Variants in LRRFIP1 observed in about 807,000 individuals in gnomAD.
LRRFIP1 encodes the protein LRR binding FLII interacting protein 1, also known as leucine-rich repeat flightless-interacting protein 1.
A neutral mutation model predicts 104.4 loss-of-function variants in LRRFIP1; 62 were observed. The observed-to-expected ratio is 0.59, with a 90% CI of 0.48 to 0.73. The LOEUF (loss-of-function observed/expected upper bound fraction) is 0.73. Ranked by LOEUF, LRRFIP1 falls within the 30% of genes least tolerant of loss-of-function variation. The pLI, the probability that LRRFIP1 is intolerant of heterozygous loss-of-function variation, is 0.00. For missense variants in LRRFIP1, 796 were observed against 824.5 expected, an observed-to-expected ratio of 0.97 and a Z score of 0.42; for synonymous variants, 300 against 299.0, an observed-to-expected ratio of 1.00 and a Z score of -0.03.
At chr2:237,659,079 G>GTTA (rs34319083) in intron 1 of LRRFIP1, among the ~76,000 whole-genome samples, 21 of 151,030 alleles carry the variant, frequency 1.4e-4, no homozygotes, top group Non-Finnish European at 2.1e-4. Context: ...GAAAAGATAA[G>GTTA]TTATTATTAT....
rs753362054 is a variant in LRRFIP1, at chr2:237,661,081, G to A, written c.96+33341G>A. ...AACATGCCATCTCTGCTCTCCCACC[G>A]CTTCCTGGGTTGGGCTGCGGGGAGA... On this transcript the variant is annotated intron_variant, in intron 1 of 23. Transcript: ENST00000308482. This position sits in a 1 kb window ranked among gnomAD's most constrained non-coding sequence, Gnocchi z 4.4. Among the ~76,000 whole-genome samples the A allele has an allele frequency of 4.6e-5, 7 of 152,092 alleles. No individual in the cohort carries two copies. The highest frequency in any genetic ancestry group is 7.2e-5 in the African/African-American group (3 of 41,408).
Position 237,658,673 on chromosome 2 carries a change from G to A in LRRFIP1, c.96+30933G>A, listed in dbSNP as rs553046500. ...AACCAAGGCACCTTCTTCACAAGGC[G>A]GCAGGAAGGAGGAGTGCCGAGTGAA... On this transcript the variant is annotated intron_variant, in intron 1 of 23. Transcript: ENST00000308482. 5.3e-5 allele frequency among the ~76,000 whole-genome samples: 8 copies of A among 152,272 alleles called. No individual in the cohort carries two copies. In the East Asian group the frequency reaches 1.2e-3, roughly 22 times the overall value.
At chr2:237,726,572 T>C (rs1201024078) in intron 7 of LRRFIP1, among the ~76,000 whole-genome samples, 1 of 152,258 alleles carries the variant, frequency 6.6e-6, no homozygotes, top group Non-Finnish European at 1.5e-5. Flanking sequence ...TTGTAATGTA[T>C]TTATTATTAT....
At chr2:237,701,204 G>C (rs1036362871) in intron 1 of LRRFIP1, among the ~76,000 whole-genome samples, 5 of 152,196 alleles carry the variant, frequency 3.3e-5, no homozygotes, top group African/African-American at 1.2e-4. Context: ...CAGGGCCCCT[G>C]CCCCACCAGT....
In LRRFIP1 at chr2:237,741,482, T is replaced by C. The variant is rs372769329; in HGVS notation, c.633+2173T>C. Among the ~76,000 whole-genome samples, 4 of 152,350 alleles carry C rather than the reference T, an allele frequency of 2.6e-5. No individual in the cohort carries two copies. The East Asian group carries it at 7.7e-4, about 29-fold the overall frequency. On this transcript the variant is annotated intron_variant, in intron 11 of 23. Transcript: ENST00000308482. Reference sequence around the variant, plus strand: ...TACCAGGAAGAAACATTTTCCGTAATAAATTTAGTGTAGGATTGCTTTGTC... The same window carrying C: ...TACCAGGAAGAAACATTTTCCGTAACAAATTTAGTGTAGGATTGCTTTGTC...
At chr2:237,749,048 A>T in intron 12 of LRRFIP1, 151 bp from the exon 13 acceptor site, 2 of 698,488 alleles carry the variant, frequency 2.9e-6, no homozygotes, top group Non-Finnish European at 4.6e-6. Flanking sequence ...TCACGAGAAC[A>T]GCATGGGGGA....
chr2:237,660,391 C>T lies in LRRFIP1; in HGVS notation c.96+32651C>T, dbSNP rs1165038823. ...AGTGTAGATATGGGGACATAGGGAC[C>T]CCTGTGCTGATGAGAGAGTCCACAG... On this transcript the variant is annotated intron_variant, in intron 1 of 23. Coordinates refer to ENST00000308482, the MANE Select transcript of LRRFIP1 (RefSeq NM_001137550.2). Among the ~76,000 whole-genome samples the T allele has an allele frequency of 2.0e-5, 3 of 151,412 alleles. No homozygotes were observed. The East Asian group carries it at 5.8e-4, about 29-fold the overall frequency.
At chr2:237,727,159 C>T (rs573276785) in intron 7 of LRRFIP1, among the ~76,000 whole-genome samples, 2 of 152,164 alleles carry the variant, frequency 1.3e-5, no homozygotes, top group East Asian at 3.9e-4. Context: ...AGTTCGAGAC[C>T]AGCCTGACCA....
chr2:237,679,011 G>A (rs1013791196), intron 1 of LRRFIP1, among the ~76,000 whole-genome samples: 12 of 152,194 alleles, frequency 7.9e-5, no homozygotes, highest in South Asian at 2.1e-4. Flanking sequence ...CTTGCCCAGC[G>A]CTGAAGACTC....
intron 1 of LRRFIP1, among the ~76,000 whole-genome samples, chr2:237,660,554 G>A (rs1220729368): frequency 1.3e-5 from 2 of 152,208 alleles, no homozygotes; most frequent in African/African-American, 4.8e-5. Context: ...AAAGGCACAT[G>A]CTGTTTAACC....
chr2:237,756,082 T>G lies in LRRFIP1; in HGVS notation c.1039-13T>G, dbSNP rs376052086. The G allele has an allele frequency of 2.5e-6, 4 of 1,602,130 alleles. No homozygotes were observed. The African/African-American group carries it at 5.4e-5, about 21-fold the overall frequency. ...GGATTCCACTGCTTTAGTGCTGTTT[T>G]TCTCCTTTACAGGAATTTGAAAGGG... On this transcript the variant is annotated splice_polypyrimidine_tract_variant and intron_variant, in intron 15 of 23. Coordinates refer to ENST00000308482, the MANE Select transcript of LRRFIP1 (RefSeq NM_001137550.2).
chr2:237,768,622 TTGAC>T (rs1311348583), intron 19 of LRRFIP1: 7 of 152,154 alleles, frequency 4.6e-5, no homozygotes, highest in South Asian at 2.1e-4. Flanking sequence ...CAGAAGTAAT[TTGAC>T]TGTAAATTAA....
intron 14 of LRRFIP1, among the ~76,000 whole-genome samples, chr2:237,751,903 G>T (rs59913794): frequency 0.013 from 1,962 of 152,272 alleles, 40 homozygotes; most frequent in African/African-American, 0.045. Context: ...TCTTCCTTAG[G>T]CAGCAGCGGA....
chr2:237,747,357 C>CGGAT (rs960893346), intron 11 of LRRFIP1, among the ~76,000 whole-genome samples: 6 of 152,236 alleles, frequency 3.9e-5, no homozygotes, highest in African/African-American at 1.4e-4. Context: ...CTGGTGGGAC[C>CGGAT]GGATGGTGAG....
At chr2:237,710,323 GCCCA>G (rs2094008957) in intron 2 of LRRFIP1, among the ~76,000 whole-genome samples, 2 of 150,270 alleles carry the variant, frequency 1.3e-5, no homozygotes, top group Non-Finnish European at 3.0e-5. Flanking sequence ...TTGCTTTGTC[GCCCA>G]GGCTGGAGTG....
chr2:237,701,693 G>C (rs945187566), intron 1 of LRRFIP1, among the ~76,000 whole-genome samples: 13 of 152,176 alleles, frequency 8.5e-5, no homozygotes, highest in African/African-American at 2.9e-4. Flanking sequence ...GGGTTAGACT[G>C]TTTACCTCAC....
intron 1 of LRRFIP1, among the ~76,000 whole-genome samples, chr2:237,660,881 A>C (rs1341375583): frequency 6.6e-6 from 1 of 152,154 alleles, no homozygotes; most frequent in Non-Finnish European, 1.5e-5. Context: ...TGCGTTTTTG[A>C]GTTTATATAT....
intron 15 of LRRFIP1, 23 bp downstream of exon 15, chr2:237,753,502 A>G (rs569424752): frequency 1.3e-6 from 2 of 1,551,226 alleles, no homozygotes; most frequent in Middle Eastern, 1.7e-4. Context: ...ATGATACAGA[A>G]TGTTAACAAT....
intron 17 of LRRFIP1, among the ~76,000 whole-genome samples, chr2:237,758,429 C>T (rs1466707411): frequency 3.3e-5 from 5 of 152,200 alleles, no homozygotes; most frequent in African/African-American, 7.2e-5. Context: ...GCTGTGAACA[C>T]GCAGACAAAG....
Sources: allele counts gnomAD v4.1 joint callset (sites outside exome capture counted in the v4.1 genomes callset), GRCh38; gene constraint gnomAD v4.1.1; non-coding constraint Gnocchi (gnomAD v3.1); transcripts MANE v1.5; gene names NCBI Gene and HGNC (gene_info 2026-07-23, HGNC 2026-07-21).